Variants in PPARGC1A observed in about 807,000 individuals in gnomAD.
PPARGC1A encodes the protein peroxisome proliferator-activated receptor gamma coactivator 1-alpha.
In PPARGC1A, 25 loss-of-function variants were observed where a neutral mutation model predicts 88.7. The ratio of observed to expected loss-of-function variants is 0.28; its 90% CI spans 0.21 to 0.39. The LOEUF (loss-of-function observed/expected upper bound fraction) is 0.39, where lower values mean the gene tolerates loss of function less well. PPARGC1A is among the 10% of genes least tolerant of loss of function. The pLI is 1.00. For synonymous variants in PPARGC1A, 363 were observed against 355.6 expected, an observed-to-expected ratio of 1.02 and a Z score of -0.24; for missense variants, 880 against 968.7, an observed-to-expected ratio of 0.91 and a Z score of 1.22.
At chr4:24,222,221 G>A in the PPARGC1A span, among the ~76,000 whole-genome samples, 1 of 152,340 alleles carries the variant, frequency 6.6e-6, no homozygotes, top group East Asian at 1.9e-4. Context: ...GCATAGAGTA[G>A]AAAGTCCTCC....
the PPARGC1A span, among the ~76,000 whole-genome samples, chr4:24,040,049 T>C: frequency 5.9e-5 from 9 of 152,350 alleles, no homozygotes; most frequent in Middle Eastern, 3.4e-3. Flanking sequence ...AGTATACATA[T>C]ACAGTATGCT....
the PPARGC1A span, among the ~76,000 whole-genome samples, chr4:24,296,930 T>G: frequency 6.7e-6 from 1 of 149,600 alleles, no homozygotes; most frequent in African/African-American, 2.4e-5. Context: ...GCACAACACT[T>G]TTTTTTTTCA....
chr4:23,986,332 A>G, the PPARGC1A span, among the ~76,000 whole-genome samples: 2 of 152,258 alleles, frequency 1.3e-5, no homozygotes, highest in East Asian at 3.9e-4. Context: ...GGCATTCTTC[A>G]TCAATTAAAC....
At chr4:23,869,288 C>T (rs975387599) in intron 2 of PPARGC1A, among the ~76,000 whole-genome samples, 3 of 152,094 alleles carry the variant, frequency 2.0e-5, no homozygotes, top group South Asian at 4.1e-4. Context: ...CAGATGTCTT[C>T]GTACAAAGGA....
chr4:24,173,003 A>G, the PPARGC1A span, among the ~76,000 whole-genome samples: 1 of 152,176 alleles, frequency 6.6e-6, no homozygotes, highest in African/African-American at 2.4e-5. Flanking sequence ...CTTTTCGAAC[A>G]TTGTATTTTA....
At chr4:23,920,207 C>A in the PPARGC1A span, among the ~76,000 whole-genome samples, 2 of 152,154 alleles carry the variant, frequency 1.3e-5, no homozygotes, top group Non-Finnish European at 2.9e-5. Flanking sequence ...AAAGGAACAT[C>A]ATAAATATAA....
At chr4:23,976,378 G>A in the PPARGC1A span, among the ~76,000 whole-genome samples, 4 of 152,192 alleles carry the variant, frequency 2.6e-5, no homozygotes, top group East Asian at 7.7e-4. Flanking sequence ...GGGTGGGGAT[G>A]GGGGTGTTAA....
At chr4:24,240,614 G>A in the PPARGC1A span, among the ~76,000 whole-genome samples, 1 of 152,146 alleles carries the variant, frequency 6.6e-6, no homozygotes, top group Non-Finnish European at 1.5e-5. Flanking sequence ...GTAAACAGGA[G>A]GCAATTTCAC....
intron 1 of PPARGC1A, among the ~76,000 whole-genome samples, chr4:23,897,523 G>GATTCAAGCTATTCTCC (rs1718737290): frequency 6.6e-6 from 1 of 152,192 alleles, no homozygotes; most frequent in East Asian, 1.9e-4. Context: ...CTAAAATGCA[G>GATTCAAGCTATTCTCC]TGATGTGCCT....
chr4:24,007,306 C>T, the PPARGC1A span, among the ~76,000 whole-genome samples: 1 of 152,136 alleles, frequency 6.6e-6, no homozygotes, highest in Non-Finnish European at 1.5e-5. Context: ...CAAATGCCCA[C>T]TCAGTGACAA....
chr4:24,185,999 GA>G, the PPARGC1A span, among the ~76,000 whole-genome samples: 92 of 150,984 alleles, frequency 6.1e-4, no homozygotes, highest in African/African-American at 1.7e-3. Context: ...GGGGAAAAAA[GA>G]AAAAAAAATT....
chr4:24,153,734 G>A, the PPARGC1A span, among the ~76,000 whole-genome samples: 2 of 152,268 alleles, frequency 1.3e-5, no homozygotes, highest in African/African-American at 4.8e-5. Flanking sequence ...GAGGTTAATG[G>A]TGACTCTGCT....
the PPARGC1A span, among the ~76,000 whole-genome samples, chr4:24,076,155 T>A: frequency 6.6e-6 from 1 of 152,194 alleles, no homozygotes; most frequent in Non-Finnish European, 1.5e-5. Context: ...TTACATGGCT[T>A]ATGCTCTTCT....
chr4:24,216,273 G>A, the PPARGC1A span, among the ~76,000 whole-genome samples: 3 of 150,132 alleles, frequency 2.0e-5, no homozygotes, highest in Admixed American at 6.7e-5. Context: ...TCAGCCTCCC[G>A]AGTAGCTGGG....
the PPARGC1A span, among the ~76,000 whole-genome samples, chr4:24,049,573 G>C: frequency 6.6e-6 from 1 of 151,888 alleles, no homozygotes; most frequent in African/African-American, 2.4e-5. Flanking sequence ...GAAAGAAGTT[G>C]TATTACACAT....
At chr4:24,390,236 T>C in the PPARGC1A span, among the ~76,000 whole-genome samples, 1,728 of 152,172 alleles carry the variant, frequency 0.011, 31 homozygotes, top group African/African-American at 0.039. Context: ...AAGTTAGCAC[T>C]TTTTTGCCCC....
the PPARGC1A span, among the ~76,000 whole-genome samples, chr4:24,265,357 T>C: frequency 1.3e-5 from 2 of 152,168 alleles, no homozygotes; most frequent in African/African-American, 4.8e-5. Context: ...TTGGGGGAAA[T>C]GTCGGCAACA....
the PPARGC1A span, among the ~76,000 whole-genome samples, chr4:24,413,598 A>C: frequency 6.6e-6 from 1 of 152,276 alleles, no homozygotes; most frequent in Admixed American, 6.5e-5. Flanking sequence ...TGGTATTTTA[A>C]CCCAGATCCT....
the PPARGC1A span, among the ~76,000 whole-genome samples, chr4:24,425,648 A>AG: frequency 6.6e-6 from 1 of 152,370 alleles, no homozygotes; most frequent in African/African-American, 2.4e-5. Flanking sequence ...AGTTAAAAGT[A>AG]ATAAATCAAC....
Sources: allele counts gnomAD v4.1 joint callset (sites outside exome capture counted in the v4.1 genomes callset), GRCh38; gene constraint gnomAD v4.1.1; transcripts MANE v1.5; gene names NCBI Gene and HGNC (gene_info 2026-07-23, HGNC 2026-07-21).